Variants in COTL1 observed in about 807,000 individuals in gnomAD.
COTL1 encodes coactosin-like protein.
COTL1 carries 15 observed loss-of-function variants against 16.5 expected under a neutral mutation model. The ratio of observed to expected loss-of-function variants is 0.91; its 90% CI spans 0.61 to 1.40. The LOEUF (loss-of-function observed/expected upper bound fraction) is 1.40. Ranked by LOEUF, COTL1 falls within the 40% of genes most tolerant of loss-of-function variation. COTL1 has a pLI of 0.00. For missense variants in COTL1, 220 were observed against 201.5 expected (o/e 1.09, Z -0.56); for synonymous variants, 112 against 85.3 (o/e 1.31, Z -1.73).
intron 2 of COTL1, among the ~76,000 whole-genome samples, chr16:84,593,438 G>C (rs577973659): frequency 6.6e-6 from 1 of 152,200 alleles, no homozygotes; most frequent in Non-Finnish European, 1.5e-5. Context: ...ACATCAGCCT[G>C]GGCTGCCTCA....
chr16:84,602,411 T>TA (rs55955741), intron 2 of COTL1, among the ~76,000 whole-genome samples: 1,630 of 144,422 alleles, frequency 0.011, 34 homozygotes, highest in African/African-American at 0.037. Context: ...TTCTTTTAAT[T>TA]AAAAAAAAAA....
At chr16:84,578,699 C>T (rs1216514445) in intron 3 of COTL1, among the ~76,000 whole-genome samples, 3 of 147,750 alleles carry the variant, frequency 2.0e-5, no homozygotes, top group African/African-American at 7.5e-5. Flanking sequence ...AGGAATGTAC[C>T]CACACAGGTG....
chr16:84,582,733 G>T lies in COTL1; in HGVS notation c.318+7372C>A, dbSNP rs552070629. On this transcript the variant is annotated intron_variant, in intron 3 of 3. Transcript: ENST00000262428. Reference sequence around the variant, plus strand: ...TGGAGAAGCCCTTTTCACACCTACTGCTTTTCTTTAATCATTCCAACCACT... The same window carrying T: ...TGGAGAAGCCCTTTTCACACCTACTTCTTTTCTTTAATCATTCCAACCACT... Among the ~76,000 whole-genome samples the T allele has an allele frequency of 2.6e-5, 4 of 152,224 alleles. No individual in the cohort carries two copies. In the East Asian group the frequency reaches 7.7e-4, roughly 29 times the overall value.
chr16:84,616,831 C>T (rs1047589917), intron 2 of COTL1, among the ~76,000 whole-genome samples: 1 of 152,134 alleles, frequency 6.6e-6, no homozygotes, highest in Admixed American at 6.6e-5. Context: ...CCTGCATAAC[C>T]CCCTCCCAGA....
At chr16:84,594,006 A>C (rs1404003678) in intron 2 of COTL1, among the ~76,000 whole-genome samples, 5 of 152,088 alleles carry the variant, frequency 3.3e-5, no homozygotes, top group African/African-American at 9.7e-5. Flanking sequence ...TGGACATTTC[A>C]TTGAAATGGA....
At chr16:84,603,507 C>G (rs181960227) in intron 2 of COTL1, among the ~76,000 whole-genome samples, 23 of 152,262 alleles carry the variant, frequency 1.5e-4, no homozygotes, top group African/African-American at 5.3e-4. Flanking sequence ...ATCGGTGACA[C>G]AGCACGTTGA....
At chr16:84,573,107 T>A (rs1476709162) in intron 3 of COTL1, among the ~76,000 whole-genome samples, 1 of 152,242 alleles carries the variant, frequency 6.6e-6, no homozygotes, top group Non-Finnish European at 1.5e-5. Context: ...AAGAAACCAG[T>A]GCCATTTATT....
chr16:84,599,234 C>T (rs1905066019), intron 2 of COTL1, among the ~76,000 whole-genome samples: 1 of 152,204 alleles, frequency 6.6e-6, no homozygotes, highest in Non-Finnish European at 1.5e-5. Flanking sequence ...CAAAGAGATT[C>T]TAGTCTCCTC....
chr16:84,576,279 G>A (rs1203214526), intron 3 of COTL1: 1 of 152,270 alleles, frequency 6.6e-6, no homozygotes. Context: ...AACCAATGCA[G>A]AGAATGTGGG....
intron 2 of COTL1, among the ~76,000 whole-genome samples, chr16:84,601,868 C>CTCCAGACAA (rs544538644): frequency 6.6e-6 from 1 of 152,236 alleles, no homozygotes; most frequent in Non-Finnish European, 1.5e-5. Flanking sequence ...GACAAAGCAA[C>CTCCAGACAA]AGCCTCTGCT....
rs1905523239 is a variant in COTL1 at position 84,617,519 on chromosome 16, A to G, written c.142T>C (p.Phe48Leu). The G allele has an allele frequency of 1.3e-6, 2 of 1,555,068 alleles. No individual in the cohort carries two copies. The part of the protein sequence containing the change: ...PGEQGAEYQH[F>L]IQQCTDDVRL... ...TCCCTACCTGTGCACTGCTGGATGA[A>G]GTGCTGGTACTCCGCTCCCTGCTCG... Residue 48 changes from phenylalanine to leucine, a missense_variant, in exon 2 of 4, where the codon TTC becomes CTC. Phe to Leu is a conservative substitution (Grantham distance 22). Coordinates refer to ENST00000262428, the MANE Select transcript of COTL1 (RefSeq NM_021149.5).
chr16:84,604,771 C>G (rs1905178748), intron 2 of COTL1, among the ~76,000 whole-genome samples: 1 of 152,224 alleles, frequency 6.6e-6, no homozygotes. Context: ...CTCTTTGCAT[C>G]TCAAGCCAGG....
At chr16:84,592,251 T>C (rs1171638076) in intron 2 of COTL1, among the ~76,000 whole-genome samples, 3 of 152,222 alleles carry the variant, frequency 2.0e-5, no homozygotes, top group African/African-American at 7.2e-5. Flanking sequence ...TTATTCAGCT[T>C]ACTTCACAAA....
At chr16:84,603,988 C>A (rs1295040420) in intron 2 of COTL1, among the ~76,000 whole-genome samples, 1 of 142,578 alleles carries the variant, frequency 7.0e-6, no homozygotes, top group Non-Finnish European at 1.5e-5. Context: ...CCACCTCCCT[C>A]CCTGATGGCC....
At chr16:84,592,956 C>G (rs1193931300) in intron 2 of COTL1, among the ~76,000 whole-genome samples, 1 of 152,204 alleles carries the variant, frequency 6.6e-6, no homozygotes, top group Non-Finnish European at 1.5e-5. Context: ...TCGTCATCAC[C>G]ACTCACATTG....
At position 84,602,119 on chromosome 16, in the gene COTL1, G is replaced by A. The variant is rs543031770; in HGVS notation, c.161-11857C>T. 8.6e-5 allele frequency among the ~76,000 whole-genome samples: 13 copies of A among 151,990 alleles called. No individual in the cohort carries two copies. In the East Asian group the frequency reaches 2.1e-3, roughly 25 times the overall value. ...CACATGTACTCAATACATACTTCCCGAATAAATGAAGGGCATCTACATGGC... is the reference window on the plus strand; with the variant it reads ...CACATGTACTCAATACATACTTCCCAAATAAATGAAGGGCATCTACATGGC... On this transcript the variant is annotated intron_variant, in intron 2 of 3. Coordinates refer to ENST00000262428, the MANE Select transcript of COTL1 (RefSeq NM_021149.5).
chr16:84,587,224 C>G (rs527911974), intron 3 of COTL1, among the ~76,000 whole-genome samples: 1 of 152,208 alleles, frequency 6.6e-6, no homozygotes, highest in Non-Finnish European at 1.5e-5. Context: ...AGGGTGCAGA[C>G]AGCAGTGTCA....
chr16:84,608,316 G>T (rs961735365), intron 2 of COTL1, among the ~76,000 whole-genome samples: 1 of 152,202 alleles, frequency 6.6e-6, no homozygotes, highest in African/African-American at 2.4e-5. Context: ...TTTAGGGAAT[G>T]CTTTTTTTGA....
In COTL1 at chr16:84,617,544, G is replaced by A. The variant is rs751705777; in HGVS notation, c.117C>T (p.Gly39=). 106 of 1,558,186 alleles carry A rather than the reference G, an allele frequency of 6.8e-5. No homozygotes were observed. In the East Asian group the frequency reaches 2.5e-3, roughly 37 times the overall value. ...FKYDGSTIVP[G]EQGAEYQHFI... is the part of the protein sequence containing the mutation. Reference sequence around the variant, plus strand: ...AGTGCTGGTACTCCGCTCCCTGCTCGCCGGGGACGATGGTGGAGCCGTCAT... The same window carrying A: ...AGTGCTGGTACTCCGCTCCCTGCTCACCGGGGACGATGGTGGAGCCGTCAT... Residue 39 remains glycine (G), a synonymous_variant, in exon 2 of 4, where the codon GGC becomes GGT. Coordinates refer to ENST00000262428, the MANE Select transcript of COTL1 (RefSeq NM_021149.5).
Sources: gnomAD v4.1 joint callset for allele counts (sites outside exome capture counted in the v4.1 genomes callset) on GRCh38, gnomAD v4.1.1 for gene constraint, MANE v1.5 for transcripts, NCBI Gene and HGNC (gene_info 2026-07-23, HGNC 2026-07-21) for gene names.